IRAK2: variants seen among roughly 807,000 people sequenced by gnomAD.
The protein encoded by IRAK2 is interleukin-1 receptor-associated kinase-like 2.
In IRAK2, 57 loss-of-function variants were observed where a neutral mutation model predicts 72.0. The observed-to-expected ratio is 0.79, with a 90% CI of 0.64 to 0.99. The LOEUF is 0.99. Among genes scored for constraint, IRAK2 ranks in the 50% least tolerant of loss-of-function variants. The probability of loss-of-function intolerance (pLI) is 0.00; values close to 1 mark genes in which losing one functional copy is unlikely to be tolerated. For synonymous variants in IRAK2, 293 were observed against 312.7 expected (o/e 0.94, Z 0.67); for missense variants, 790 against 794.4 (o/e 0.99, Z 0.07).
chr3:10,243,204 T>G lies in IRAK2; in HGVS notation c.*976T>G, dbSNP rs1336412719. 1 of 152,222 alleles carries G rather than the reference T, an allele frequency of 6.6e-6. No homozygotes were observed. Among genetic ancestry groups the G allele is most frequent in the Non-Finnish European group, 1.5e-5 (1 of 68,048 alleles). 9.4% of individuals were successfully genotyped at this position (152,222 alleles called of 1,614,324 possible). A position where few individuals can be genotyped will look rare whatever the true frequency, so the allele number is the denominator to read the frequency against. On this transcript the variant is annotated 3_prime_UTR_variant, in exon 13 of 13. Coordinates refer to ENST00000256458, the MANE Select transcript of IRAK2 (RefSeq NM_001570.4). Reference sequence around the variant, plus strand: ...CACCTGCCACTATGCCTGGCTAATTTTTGTGTTTTTAGTAGAGACAGGGTT... The same window carrying G: ...CACCTGCCACTATGCCTGGCTAATTGTTGTGTTTTTAGTAGAGACAGGGTT...
In IRAK2 at chr3:10,226,371, G is replaced by T. The variant is rs996461218; in HGVS notation, c.1210G>T (p.Val404Leu). The T allele has an allele frequency of 6.2e-7, 1 of 1,613,232 alleles. No individual in the cohort carries two copies. Among genetic ancestry groups the T allele is most frequent in the Non-Finnish European group, 8.5e-7 (1 of 1,179,554 alleles). Residue 404 changes from valine (V) to leucine (L), a missense_variant and splice_region_variant, in exon 10 of 13, where the codon GTG (valine) becomes TTG (leucine). Coordinates refer to ENST00000256458, the MANE Select transcript of IRAK2 (RefSeq NM_001570.4). ...CTAACTCACGTTCTGTTCTCTCCAG[G>T]TGTTGGCCGAGGTCCTCACGGGCAT... is the stretch of plus-strand genomic sequence containing the variant. ...KRVDIFSCGI[V>L]LAEVLTGIPA...
In IRAK2 at chr3:10,222,840, GTCC is replaced by G. The variant is rs765956612; in HGVS notation, c.1209+11_1209+13del. 37 of 1,612,990 alleles carry G rather than the reference GTCC, an allele frequency of 2.3e-5. No homozygotes were observed. In the Admixed American group the frequency reaches 5.8e-4, roughly 25 times the overall value. Reference sequence around the variant, plus strand: ...TCTTCAGCTGTGGAATAGTAAGAGTGTCCTGCTCTGCGTAGAGTGGGGCCCACC... The same window carrying G: ...TCTTCAGCTGTGGAATAGTAAGAGTGTGCTCTGCGTAGAGTGGGGCCCACC... On this transcript the variant is annotated intron_variant, in intron 9 of 12. Coordinates refer to ENST00000256458, the MANE Select transcript of IRAK2 (RefSeq NM_001570.4).
At chr3:10,165,079 A>T in intron 1 of IRAK2, 31 bp downstream of exon 1, 2 of 1,573,034 alleles carry the variant, frequency 1.3e-6, no homozygotes, top group Non-Finnish European at 1.7e-6. Context: ...GGAGGGGACC[A>T]GGGCGACCGG....
In IRAK2 at chr3:10,240,941, C is replaced by G. The variant is rs551351640; in HGVS notation, c.1766-1175C>G. Among the ~76,000 whole-genome samples the G allele has an allele frequency of 5.3e-5, 8 of 152,014 alleles. No individual in the cohort carries two copies. The South Asian group carries it at 1.7e-3, about 32-fold the overall frequency. On this transcript the variant is annotated intron_variant, in intron 12 of 12. Coordinates refer to ENST00000256458, the MANE Select transcript of IRAK2 (RefSeq NM_001570.4). Reference sequence around the variant, plus strand: ...TCCCAGGCTCTGACCACTCCTGTTTCTCTTTTACTCCTCCTGCCATGGGGA... The same window carrying G: ...TCCCAGGCTCTGACCACTCCTGTTTGTCTTTTACTCCTCCTGCCATGGGGA...
Position 10,219,359 on chromosome 3 carries a change from C to T in IRAK2, c.904-321C>T, listed in dbSNP as rs1289907023. Among the ~76,000 whole-genome samples, 4 of 151,580 alleles carry T rather than the reference C, an allele frequency of 2.6e-5. No individual in the cohort carries two copies. The East Asian group carries it at 5.8e-4, about 22-fold the overall frequency. ...TTTGAGATGGAGTCTCGCTCTGTCA[C>T]CCAGGCTGCAGTGCAGTGGTGCAAT... On this transcript the variant is annotated intron_variant, in intron 7 of 12. Transcript: ENST00000256458.
intron 7 of IRAK2, among the ~76,000 whole-genome samples, chr3:10,218,533 C>T (rs55890954): frequency 0.38 from 57,396 of 151,488 alleles, 11,041 homozygotes; most frequent in Admixed American, 0.43. Flanking sequence ...CCACAATCCC[C>T]ATCAGCCCTG....
At chr3:10,204,155 T>C (rs1304787858) in intron 3 of IRAK2, among the ~76,000 whole-genome samples, 1 of 152,254 alleles carries the variant, frequency 6.6e-6, no homozygotes, top group Non-Finnish European at 1.5e-5. Flanking sequence ...CAGCCTGACC[T>C]TTGTGCTCTA....
At chr3:10,214,537 G>A (rs1230266321) in intron 6 of IRAK2, among the ~76,000 whole-genome samples, 1 of 136,932 alleles carries the variant, frequency 7.3e-6, no homozygotes, top group Non-Finnish European at 1.7e-5. Context: ...TGCCATGTGT[G>A]TGCTTTTTTT....
At chr3:10,219,603 C>A in intron 7 of IRAK2, 77 bp from the exon 8 acceptor site, 2 of 1,041,082 alleles carry the variant, frequency 1.9e-6, no homozygotes, top group Non-Finnish European at 1.5e-6. Flanking sequence ...CAGGTGTGAG[C>A]CACCGCACCT....
chr3:10,169,691 C>T (rs1368295094), intron 1 of IRAK2, among the ~76,000 whole-genome samples: 1 of 152,168 alleles, frequency 6.6e-6, no homozygotes, highest in Non-Finnish European at 1.5e-5. Context: ...CCACGTTTTA[C>T]AATCAGATTT....
chr3:10,201,907 C>T (rs1201826042), intron 3 of IRAK2, among the ~76,000 whole-genome samples: 2 of 152,186 alleles, frequency 1.3e-5, no homozygotes, highest in African/African-American at 4.8e-5. Context: ...ATATTTGAAT[C>T]CTAGTGCTGC....
intron 2 of IRAK2, among the ~76,000 whole-genome samples, chr3:10,187,533 C>T (rs1262343025): frequency 1.3e-5 from 2 of 152,304 alleles, no homozygotes; most frequent in Admixed American, 6.5e-5. Context: ...ACACCATGTG[C>T]CTCAGAAGAC....
chr3:10,207,509 A>G (rs1042518826), intron 3 of IRAK2, among the ~76,000 whole-genome samples: 3 of 152,032 alleles, frequency 2.0e-5, no homozygotes, highest in Non-Finnish European at 2.9e-5. Flanking sequence ...ACCATGGCTC[A>G]CCTCACCCAC....
rs1242350745 is a variant in IRAK2 at position 10,184,805 on chromosome 3, C to A, written c.277+6785C>A. On this transcript the variant is annotated intron_variant, in intron 2 of 12. Coordinates refer to ENST00000256458, the MANE Select transcript of IRAK2 (RefSeq NM_001570.4). ...AGTGCAGTGGCGCGATCTCGGCTCA[C>A]TGCAAGCTCCGCCTCCCAGGTTCAC... Among the ~76,000 whole-genome samples, 2 of 146,794 alleles carry A rather than the reference C, an allele frequency of 1.4e-5. 1 individual carries two copies. The highest frequency in any genetic ancestry group is 5.1e-5 in the African/African-American group (2 of 39,034).
chr3:10,200,362 T>A lies in IRAK2; in HGVS notation c.278-7T>A. 1 of 1,576,972 alleles carries A rather than the reference T, an allele frequency of 6.3e-7. No individual in the cohort carries two copies. Among genetic ancestry groups the A allele is most frequent in the Admixed American group, 1.8e-5 (1 of 54,882 alleles). The stretch of plus-strand genomic sequence containing the variant: ...TAGTAATAACTTTCTTTCCACCTTG[T>A]TTTCAGGGAAACCGGCTCCTGAAAT... On this transcript the variant is annotated splice_region_variant and splice_polypyrimidine_tract_variant and intron_variant, in intron 2 of 12. Transcript: ENST00000256458.
At chr3:10,219,623 C>T in intron 7 of IRAK2, 57 bp from the exon 8 acceptor site, 1 of 1,365,760 alleles carries the variant, frequency 7.3e-7, no homozygotes, top group Non-Finnish European at 1.0e-6. Context: ...TGGCTGCCAT[C>T]AGGACTTTAA....
intron 2 of IRAK2, among the ~76,000 whole-genome samples, chr3:10,192,227 TA>T (rs1414839695): frequency 6.6e-6 from 1 of 152,362 alleles, no homozygotes; most frequent in African/African-American, 2.4e-5. Flanking sequence ...GGAAGGGATC[TA>T]TTCTGGCCAC....
At chr3:10,225,356 G>A (rs1290242335) in intron 9 of IRAK2, among the ~76,000 whole-genome samples, 3 of 152,154 alleles carry the variant, frequency 2.0e-5, no homozygotes, top group Non-Finnish European at 1.5e-5. Context: ...GATCACCTGA[G>A]CATATAAGGA....
intron 6 of IRAK2, among the ~76,000 whole-genome samples, chr3:10,214,923 G>A (rs983302901): frequency 5.9e-5 from 9 of 151,718 alleles, no homozygotes; most frequent in African/African-American, 1.7e-4. Flanking sequence ...GCAAAACCCC[G>A]TCTCTACAAA....
Sources: allele counts gnomAD v4.1 joint callset (sites outside exome capture counted in the v4.1 genomes callset), GRCh38; gene constraint gnomAD v4.1.1; transcripts MANE v1.5; gene names NCBI Gene and HGNC (gene_info 2026-07-23, HGNC 2026-07-21).